TCERG1L: variants seen among roughly 807,000 people sequenced by gnomAD.
TCERG1L encodes the protein transcription elongation regulator 1-like protein.
A neutral mutation model predicts 56.3 loss-of-function variants in TCERG1L; 37 were observed. The ratio of observed to expected loss-of-function variants is 0.66; its 90% CI spans 0.51 to 0.87. The LOEUF (loss-of-function observed/expected upper bound fraction) is 0.87, where lower values mean the gene tolerates loss of function less well. TCERG1L is among the 40% of genes least tolerant of loss of function. The probability of loss-of-function intolerance (pLI) is 0.00; values close to 1 mark genes in which losing one functional copy is unlikely to be tolerated. For synonymous variants in TCERG1L, 324 were observed against 326.3 expected, an observed-to-expected ratio of 0.99 and a Z score of 0.08; for missense variants, 799 against 774.2, an observed-to-expected ratio of 1.03 and a Z score of -0.38.
chr10:131,198,559 T>G (rs1845392431), intron 4 of TCERG1L, among the ~76,000 whole-genome samples: 1 of 152,222 alleles, frequency 6.6e-6, no homozygotes, highest in African/African-American at 2.4e-5. Context: ...AGGGCAAGGC[T>G]CCTCCAGTTC....
intron 3 of TCERG1L, among the ~76,000 whole-genome samples, chr10:131,277,160 A>G (rs2133558864): frequency 6.6e-6 from 1 of 150,796 alleles, no homozygotes; most frequent in Middle Eastern, 3.4e-3. Context: ...AAGAGCAGAG[A>G]CCGGGCTTGG....
chr10:131,193,170 T>C (rs573966048), intron 4 of TCERG1L, among the ~76,000 whole-genome samples: 1 of 152,372 alleles, frequency 6.6e-6, no homozygotes, highest in African/African-American at 2.4e-5. Context: ...GAAAAATATC[T>C]ACGCATGGCA....
At chr10:131,184,807 A>C (rs1845218673) in intron 4 of TCERG1L, among the ~76,000 whole-genome samples, 1 of 152,240 alleles carries the variant, frequency 6.6e-6, no homozygotes, top group African/African-American at 2.4e-5. Context: ...GGGCCCTCTT[A>C]GCAGGATCAA....
At chr10:131,205,413 A>AG (rs1324970149) in intron 4 of TCERG1L, among the ~76,000 whole-genome samples, 1 of 152,058 alleles carries the variant, frequency 6.6e-6, no homozygotes, top group Admixed American at 6.6e-5. Flanking sequence ...AGAAAAAGGG[A>AG]GAAAAAGTTA....
At position 131,186,760 on chromosome 10, in the gene TCERG1L, C is replaced by T. The variant is rs528206158; in HGVS notation, c.857-19875G>A. On this transcript the variant is annotated intron_variant, in intron 4 of 11. Coordinates refer to ENST00000368642, the MANE Select transcript of TCERG1L (RefSeq NM_174937.4). ...GCCTCTGGGCCTGCCACTCGTGCAC[C>T]GGGCACTCCACACCACCAAGCTGCC... Among the ~76,000 whole-genome samples, 21 of 152,240 alleles carry T rather than the reference C, an allele frequency of 1.4e-4. No individual in the cohort carries two copies. In the South Asian group the frequency reaches 4.4e-3, roughly 32 times the overall value.
rs753643336 is a variant in TCERG1L at position 131,309,198 on chromosome 10, G to A, written c.444C>T (p.Thr148=). ...TGTCTATCCAACTTTTCCCAATAGG[G>A]GTTGCAAGAGCAGAAGGGCAGAGAT... The part of the protein sequence containing the change: ...FPHLCPSALA[T]PIGKSWIDKR... Residue 148 remains threonine (T), a synonymous_variant, in exon 2 of 12, where the codon ACC becomes ACT. Coordinates refer to ENST00000368642, the MANE Select transcript of TCERG1L (RefSeq NM_174937.4). 49 of 1,610,742 alleles carry A rather than the reference G, an allele frequency of 3.0e-5. No individual in the cohort carries two copies. The highest frequency in any genetic ancestry group is 3.8e-5 in the Non-Finnish European group (45 of 1,178,854).
Position 131,179,362 on chromosome 10 carries a change from G to A in TCERG1L, c.857-12477C>T, listed in dbSNP as rs76254543. On this transcript the variant is annotated intron_variant, in intron 4 of 11. Transcript: ENST00000368642. ...ACACCAAAACTCAGCACCATTCAGC[G>A]GCCTTTTAAACTTTTCTTTCAATCC... 7.2e-5 allele frequency among the ~76,000 whole-genome samples: 11 copies of A among 152,282 alleles called. No homozygotes were observed. In the East Asian group the frequency reaches 1.9e-3, roughly 27 times the overall value.
chr10:131,280,360 C>A (rs1846437785), intron 3 of TCERG1L, among the ~76,000 whole-genome samples: 1 of 139,754 alleles, frequency 7.2e-6, no homozygotes, highest in South Asian at 2.3e-4. Flanking sequence ...GGTAATCAAT[C>A]AACATATGCA....
At chr10:131,300,953 A>G (rs935340318) in intron 3 of TCERG1L, among the ~76,000 whole-genome samples, 11 of 152,060 alleles carry the variant, frequency 7.2e-5, no homozygotes, top group African/African-American at 2.7e-4. Flanking sequence ...TCAATGCACC[A>G]CAAGCTTCAA....
At chr10:131,181,765 C>A (rs949671530) in intron 4 of TCERG1L, among the ~76,000 whole-genome samples, 6 of 152,226 alleles carry the variant, frequency 3.9e-5, no homozygotes, top group African/African-American at 1.4e-4. Flanking sequence ...CCTCTGGGTC[C>A]ACGTATCTTT....
intron 4 of TCERG1L, among the ~76,000 whole-genome samples, chr10:131,191,525 G>C (rs552492087): frequency 1.4e-5 from 2 of 143,554 alleles, no homozygotes; most frequent in South Asian, 2.2e-4. Flanking sequence ...CATGGTACTA[G>C]TAAAAGTAGG....
chr10:131,187,094 G>C lies in TCERG1L; in HGVS notation c.857-20209C>G, dbSNP rs545136139. Among the ~76,000 whole-genome samples the C allele has an allele frequency of 6.6e-5, 10 of 152,314 alleles. No homozygotes were observed. The South Asian group carries it at 2.1e-3, about 32-fold the overall frequency. ...GCTCTGCCCCTGTACAACAAGGCAA[G>C]TCTGCCAGAGCTGGCATGAGCTCCG... On this transcript the variant is annotated intron_variant, in intron 4 of 11. Transcript: ENST00000368642.
intron 3 of TCERG1L, among the ~76,000 whole-genome samples, chr10:131,303,925 T>C (rs532523366): frequency 6.6e-6 from 1 of 152,216 alleles, no homozygotes; most frequent in Non-Finnish European, 1.5e-5. Context: ...AGTTACTAAT[T>C]CCTGTGCAAA....
intron 4 of TCERG1L, among the ~76,000 whole-genome samples, chr10:131,245,047 G>T (rs577048729): frequency 1.3e-5 from 2 of 152,352 alleles, no homozygotes; most frequent in South Asian, 2.1e-4. Flanking sequence ...CTGCTGGAAG[G>T]CACCTGGACA....
chr10:131,107,937 A>G (rs1845369989), intron 9 of TCERG1L, among the ~76,000 whole-genome samples: 2 of 148,186 alleles, frequency 1.3e-5, no homozygotes, highest in South Asian at 4.4e-4. Context: ...ACATTGATAC[A>G]CACATGCACA....
chr10:131,114,115 C>T (rs1264018489), intron 9 of TCERG1L, among the ~76,000 whole-genome samples: 1 of 142,332 alleles, frequency 7.0e-6, no homozygotes, highest in Non-Finnish European at 1.6e-5. Flanking sequence ...AAACTCTGCC[C>T]TTTTTAAACT....
chr10:131,094,665 C>G (rs1845222201), intron 11 of TCERG1L, among the ~76,000 whole-genome samples: 1 of 151,946 alleles, frequency 6.6e-6, no homozygotes, highest in Non-Finnish European at 1.5e-5. Flanking sequence ...TCTCCCCTGC[C>G]TTCCCTTCCT....
At chr10:131,276,221 C>G (rs1474139054) in intron 3 of TCERG1L, among the ~76,000 whole-genome samples, 1 of 152,226 alleles carries the variant, frequency 6.6e-6, no homozygotes, top group African/African-American at 2.4e-5. Flanking sequence ...CAACATCCCT[C>G]TAAGTACAGT....
At position 131,103,906 on chromosome 10, in the gene TCERG1L, C is replaced by T. The variant is rs766605747; in HGVS notation, c.1485+359G>A. ...ATATAAGATTTTAAGCATATAAAAC[C>T]TTAAGGTCTTATGTAAGACCACCTC... On this transcript the variant is annotated intron_variant, in intron 10 of 11. Coordinates refer to ENST00000368642, the MANE Select transcript of TCERG1L (RefSeq NM_174937.4). This position sits in a 1 kb window ranked among gnomAD's most constrained non-coding sequence, Gnocchi z 4.3. Among the ~76,000 whole-genome samples, 1 of 152,042 alleles carries T rather than the reference C, an allele frequency of 6.6e-6. No homozygotes were observed. Among genetic ancestry groups the T allele is most frequent in the African/African-American group, 2.4e-5 (1 of 41,372 alleles).
Sources: allele counts gnomAD v4.1 joint callset (sites outside exome capture counted in the v4.1 genomes callset), GRCh38; gene constraint gnomAD v4.1.1; non-coding constraint Gnocchi (gnomAD v3.1); transcripts MANE v1.5; gene names NCBI Gene and HGNC (gene_info 2026-07-23, HGNC 2026-07-21).